The following ZNF277 variants were observed in gnomAD, a reference collection of about 807,000 sequenced individuals.
The protein encoded by ZNF277 is zinc finger protein 277.
A neutral mutation model predicts 60.7 loss-of-function variants in ZNF277; 55 were observed. The observed-to-expected ratio is 0.91, with a 90% CI of 0.73 to 1.13. The LOEUF is 1.13. Ranked by LOEUF, ZNF277 falls within the 50% of genes most tolerant of loss-of-function variation. The pLI is 0.00. For synonymous variants in ZNF277, 178 were observed against 179.3 expected (o/e 0.99, Z 0.06); for missense variants, 510 against 523.0 (o/e 0.98, Z 0.24).
At chr7:112,256,374 C>G (rs1403460353) in intron 1 of ZNF277, among the ~76,000 whole-genome samples, 1 of 150,642 alleles carries the variant, frequency 6.6e-6, no homozygotes, top group East Asian at 1.9e-4. Flanking sequence ...GGTATGTTAG[C>G]CATTTAAGAA....
At chr7:112,215,513 G>A (rs1821856594) in intron 1 of ZNF277, among the ~76,000 whole-genome samples, 1 of 152,166 alleles carries the variant, frequency 6.6e-6, no homozygotes, top group Non-Finnish European at 1.5e-5. Flanking sequence ...TAGTTGGTGG[G>A]CTCTGCATCC....
At chr7:112,296,909 T>TTTATTTA (rs1792358276) in intron 4 of ZNF277, among the ~76,000 whole-genome samples, 1 of 61,126 alleles carries the variant, frequency 1.6e-5, no homozygotes, top group Admixed American at 2.8e-4. Context: ...TATTTATTTA[T>TTTATTTA]TTATTTTTTT....
intron 1 of ZNF277, among the ~76,000 whole-genome samples, chr7:112,224,991 G>A (rs981040707): frequency 1.1e-4 from 16 of 152,130 alleles, no homozygotes; most frequent in African/African-American, 3.9e-4. Flanking sequence ...AAAGAAAATT[G>A]TAAAAGCAAC....
At chr7:112,250,018 G>A (rs980626715) in intron 1 of ZNF277, among the ~76,000 whole-genome samples, 1 of 152,174 alleles carries the variant, frequency 6.6e-6, no homozygotes, top group Non-Finnish European at 1.5e-5. Context: ...TCTGACCGCC[G>A]GTGAGCCGGG....
Position 112,320,492 on chromosome 7 carries a change from C to T in ZNF277, c.557+2219C>T, listed in dbSNP as rs369529332. ...AGTGTTGCAGGCATACATTTGTGTACGCCTTGGGACATAAATATGGAATAT... is the reference window on the plus strand; with the variant it reads ...AGTGTTGCAGGCATACATTTGTGTATGCCTTGGGACATAAATATGGAATAT... On this transcript the variant is annotated intron_variant, in intron 5 of 11. Coordinates refer to ENST00000361822, the MANE Select transcript of ZNF277 (RefSeq NM_021994.3). Among the ~76,000 whole-genome samples, 16 of 152,076 alleles carry T rather than the reference C, an allele frequency of 1.1e-4. No homozygotes were observed. In the East Asian group the frequency reaches 1.4e-3, roughly 13 times the overall value.
At chr7:112,281,048 ACTCT>A (rs1791932455) in intron 1 of ZNF277, among the ~76,000 whole-genome samples, 2 of 151,958 alleles carry the variant, frequency 1.3e-5, no homozygotes, top group Admixed American at 6.6e-5. Flanking sequence ...TAATTTAGAG[ACTCT>A]CTGTTGGACA....
At chr7:112,289,590 A>G (rs1792157943) in intron 2 of ZNF277, among the ~76,000 whole-genome samples, 1 of 152,156 alleles carries the variant, frequency 6.6e-6, no homozygotes, top group African/African-American at 2.4e-5. Context: ...GCTTTCTTAT[A>G]TGCAACCCAG....
At chr7:112,281,779 A>G (rs1428158113) in intron 1 of ZNF277, among the ~76,000 whole-genome samples, 1 of 152,226 alleles carries the variant, frequency 6.6e-6, no homozygotes, top group Non-Finnish European at 1.5e-5. Context: ...AATACCAGCC[A>G]TTCGATAGCT....
chr7:112,339,608 C>T (rs1241617387), intron 9 of ZNF277, among the ~76,000 whole-genome samples: 4 of 152,178 alleles, frequency 2.6e-5, no homozygotes, highest in African/African-American at 9.7e-5. Flanking sequence ...CGTGAGCCAC[C>T]GCGCCCGGCC....
At chr7:112,336,235 T>C in intron 8 of ZNF277, 64 bp downstream of exon 8, 13 of 1,449,126 alleles carry the variant, frequency 9.0e-6, no homozygotes, top group Non-Finnish European at 1.1e-5. Flanking sequence ...AATGCTTTAG[T>C]TTGGTTTAAA....
chr7:112,267,505 A>C (rs1446009969), intron 1 of ZNF277, among the ~76,000 whole-genome samples: 2 of 152,222 alleles, frequency 1.3e-5, no homozygotes, highest in African/African-American at 4.8e-5. Flanking sequence ...GTATAGAATC[A>C]GAATTGAGAA....
rs769111437 is a variant in ZNF277, at chr7:112,337,821, A to T, written c.961A>T (p.Met321Leu). The T allele has an allele frequency of 1.9e-6, 3 of 1,610,026 alleles. No individual in the cohort carries two copies. Among genetic ancestry groups the T allele is most frequent in the South Asian group, 1.1e-5 (1 of 90,978 alleles). Residue 321 changes from methionine (M) to leucine (L), a missense_variant, in exon 9 of 12, where the codon ATG becomes TTG. By Grantham distance (15) the Met-to-Leu change is conservative (BLOSUM62 2). Coordinates refer to ENST00000361822, the MANE Select transcript of ZNF277 (RefSeq NM_021994.3). ...AETIEKLYVH[M>L]EDAHEFDLLK... The stretch of plus-strand genomic sequence containing the variant: ...AACAATTGAGAAGTTGTATGTCCAC[A>T]TGGAGGTAAGATACCTGTATTTATT...
intron 2 of ZNF277, among the ~76,000 whole-genome samples, chr7:112,294,386 C>G (rs1792278740): frequency 1.3e-5 from 2 of 152,164 alleles, no homozygotes; most frequent in Non-Finnish European, 2.9e-5. Flanking sequence ...TTGCCTTCTT[C>G]TGAGATTTCT....
chr7:112,272,073 C>T (rs1306677551), intron 1 of ZNF277, among the ~76,000 whole-genome samples: 1 of 152,106 alleles, frequency 6.6e-6, no homozygotes, highest in Non-Finnish European at 1.5e-5. Context: ...TGACCATACT[C>T]CCTTCCCCCT....
rs1563224344 is a variant in ZNF277 at position 112,310,482 on chromosome 7, T to TGAGAGAGAGAGAGAGAGAGA, written c.466-7699_466-7698insAGAGAGAGAGAGAGAGAGAG. Among the ~76,000 whole-genome samples the TGAGAGAGAGAGAGAGAGAGA allele has an allele frequency of 2.1e-5, 2 of 94,748 alleles. 1 individual carries two copies. The highest frequency in any genetic ancestry group is 1.2e-4 in the African/African-American group (2 of 16,564). 62.2% of individuals were successfully genotyped at this position (94,748 alleles called of 152,430 possible). On this transcript the variant is annotated intron_variant, in intron 4 of 11. Transcript: ENST00000361822. The stretch of plus-strand genomic sequence containing the variant: ...GAGAGAGAGAGAGAGAGAGAGAGTG[T>TGAGAGAGAGAGAGAGAGAGA]GTGTGTGTGTATGTATTTTATTTTT...
intron 1 of ZNF277, among the ~76,000 whole-genome samples, chr7:112,246,361 T>C (rs897763552): frequency 1.3e-5 from 2 of 152,126 alleles, no homozygotes; most frequent in East Asian, 1.9e-4. Flanking sequence ...GCCACTGCAC[T>C]CCAGCCTCGC....
intron 4 of ZNF277, among the ~76,000 whole-genome samples, chr7:112,304,960 GTC>G (rs1392025247): frequency 6.6e-6 from 1 of 152,032 alleles, no homozygotes; most frequent in Non-Finnish European, 1.5e-5. Flanking sequence ...ACTCTCCCAC[GTC>G]TCTCTCACCC....
intron 1 of ZNF277, among the ~76,000 whole-genome samples, chr7:112,220,810 A>T (rs1020609089): frequency 2.0e-5 from 3 of 152,210 alleles, no homozygotes; most frequent in African/African-American, 7.2e-5. Context: ...AGGCAAAAAC[A>T]GGAGGGAAAG....
At chr7:112,280,479 A>T (rs750628652) in intron 1 of ZNF277, among the ~76,000 whole-genome samples, 2 of 152,214 alleles carry the variant, frequency 1.3e-5, no homozygotes, top group Non-Finnish European at 2.9e-5. Flanking sequence ...AATGTGTAAC[A>T]CATGTGCAAA....
Sources: gnomAD v4.1 joint callset for allele counts (sites outside exome capture counted in the v4.1 genomes callset) on GRCh38, gnomAD v4.1.1 for gene constraint, MANE v1.5 for transcripts, NCBI Gene and HGNC (gene_info 2026-07-23, HGNC 2026-07-21) for gene names.